IMMP2L: variants seen among roughly 807,000 people sequenced by gnomAD.
The protein encoded by IMMP2L is inner mitochondrial membrane peptidase subunit 2.
A neutral mutation model predicts 19.3 loss-of-function variants in IMMP2L; 18 were observed. That is an observed-to-expected ratio of 0.93 (90% CI 0.64 to 1.38). The LOEUF (loss-of-function observed/expected upper bound fraction) is 1.38, where lower values mean the gene tolerates loss of function less well. IMMP2L is among the 40% of genes most tolerant of loss of function. The probability of loss-of-function intolerance (pLI) is 0.00; values close to 1 mark genes in which losing one functional copy is unlikely to be tolerated. For synonymous variants in IMMP2L, 76 were observed against 73.0 expected (o/e 1.04, Z -0.21); for missense variants, 233 against 218.2 (o/e 1.07, Z -0.43).
intron 5 of IMMP2L, among the ~76,000 whole-genome samples, chr7:110,809,891 C>T (rs552181983): frequency 2.6e-5 from 4 of 152,194 alleles, no homozygotes; most frequent in African/African-American, 9.6e-5. Flanking sequence ...CTCTTTGCCA[C>T]TGCTCACCCT....
In IMMP2L at chr7:110,963,155, A is replaced by T. The variant is rs143772611; in HGVS notation, c.305+345T>A. The T allele has an allele frequency of 2.6e-5, 34 of 1,299,292 alleles. No individual in the cohort carries two copies. In the African/African-American group the frequency reaches 4.4e-4, roughly 17 times the overall value. 80.5% of individuals were successfully genotyped at this position (1,299,292 alleles called of 1,614,324 possible). On this transcript the variant is annotated intron_variant, in intron 4 of 5. Transcript: ENST00000405709. ...TTCTAAAATAGTTAAATGTTCTTGA[A>T]TTTTTTTAAATGAACCTTAACATCA... is the stretch of plus-strand genomic sequence containing the variant.
chr7:111,461,777 T>C (rs1417286958), intron 3 of IMMP2L, among the ~76,000 whole-genome samples: 1 of 152,170 alleles, frequency 6.6e-6, no homozygotes, highest in Non-Finnish European at 1.5e-5. Context: ...TTTTTCATAT[T>C]GTTTACAAGG....
chr7:111,424,313 G>C (rs1835868963), intron 3 of IMMP2L, among the ~76,000 whole-genome samples: 1 of 151,692 alleles, frequency 6.6e-6, no homozygotes, highest in African/African-American at 2.4e-5. Context: ...AGGAAGAAGA[G>C]AATGAGGGAG....
chr7:110,959,287 A>C (rs889587096), intron 4 of IMMP2L, among the ~76,000 whole-genome samples: 1 of 151,976 alleles, frequency 6.6e-6, no homozygotes, highest in Admixed American at 6.6e-5. Context: ...GAAAGATGGG[A>C]CTGAAAAATC....
At chr7:111,258,732 C>T (rs766666282) in intron 3 of IMMP2L, among the ~76,000 whole-genome samples, 1 of 152,032 alleles carries the variant, frequency 6.6e-6, no homozygotes, top group Non-Finnish European at 1.5e-5. Context: ...TCTCAAACTC[C>T]TGACCTCAAG....
At chr7:111,001,295 C>A (rs1219209206) in intron 3 of IMMP2L, among the ~76,000 whole-genome samples, 4 of 152,154 alleles carry the variant, frequency 2.6e-5, no homozygotes, top group Admixed American at 6.6e-5. Flanking sequence ...TTCTTTAAGA[C>A]AATCTTCTAT....
chr7:111,236,889 G>C (rs968806794), intron 3 of IMMP2L, among the ~76,000 whole-genome samples: 1 of 152,104 alleles, frequency 6.6e-6, no homozygotes, highest in Admixed American at 6.6e-5. Context: ...AATGTCTGAA[G>C]ACTCCCTTTC....
At chr7:111,233,288 A>G (rs538719666) in intron 3 of IMMP2L, among the ~76,000 whole-genome samples, 1 of 152,274 alleles carries the variant, frequency 6.6e-6, no homozygotes, top group South Asian at 2.1e-4. Context: ...ATGGTTAAAT[A>G]CTTTTTGTAT....
At chr7:111,236,292 T>G (rs1814304863) in intron 3 of IMMP2L, among the ~76,000 whole-genome samples, 1 of 152,230 alleles carries the variant, frequency 6.6e-6, no homozygotes, top group Admixed American at 6.5e-5. Context: ...GGAACATCCT[T>G]GAGCTTTGTT....
intron 3 of IMMP2L, among the ~76,000 whole-genome samples, chr7:111,073,491 C>T (rs1280670414): frequency 6.6e-6 from 1 of 152,086 alleles, no homozygotes; most frequent in Non-Finnish European, 1.5e-5. Context: ...AGCCTGCATG[C>T]TTGTACAGAT....
At chr7:111,078,710 G>C (rs1168643780) in intron 3 of IMMP2L, among the ~76,000 whole-genome samples, 1 of 151,654 alleles carries the variant, frequency 6.6e-6, no homozygotes, top group Non-Finnish European at 1.5e-5. Context: ...TAAAGCTGTG[G>C]TATTTTTTAT....
chr7:111,154,558 C>A (rs921932530), intron 3 of IMMP2L, among the ~76,000 whole-genome samples: 2 of 151,976 alleles, frequency 1.3e-5, no homozygotes, highest in African/African-American at 4.8e-5. Context: ...AAAATAGTGA[C>A]GGAAAACCAA....
intron 3 of IMMP2L, among the ~76,000 whole-genome samples, chr7:111,327,061 G>C (rs751341965): frequency 1.5e-4 from 22 of 151,692 alleles, no homozygotes; most frequent in Admixed American, 6.6e-4. Context: ...CTGGCATATG[G>C]ATGGGGAAAA....
chr7:110,783,777 T>C (rs1413180418), intron 5 of IMMP2L, among the ~76,000 whole-genome samples: 2 of 151,824 alleles, frequency 1.3e-5, no homozygotes, highest in Non-Finnish European at 2.9e-5. Flanking sequence ...TGTATGTAAA[T>C]GTGGAGAAGC....
chr7:111,300,596 T>C (rs115401591), intron 3 of IMMP2L, among the ~76,000 whole-genome samples: 2,391 of 152,160 alleles, frequency 0.016, 86 homozygotes, highest in African/African-American at 0.054. Flanking sequence ...TGTCCTTTCA[T>C]AGACACAACC....
At chr7:111,384,712 G>T (rs1831565039) in intron 3 of IMMP2L, among the ~76,000 whole-genome samples, 1 of 152,124 alleles carries the variant, frequency 6.6e-6, no homozygotes, top group Non-Finnish European at 1.5e-5. Flanking sequence ...AAGTGAAAAT[G>T]AGTCACGTAG....
chr7:110,728,810 C>G lies in IMMP2L; in HGVS notation c.409-65089G>C, dbSNP rs533870897. ...TCGTGAGGTGGCTACAATCATTACC[C>G]CCATTAAATGATGAAAAACTAGGAC... On this transcript the variant is annotated intron_variant, in intron 5 of 5. Transcript: ENST00000405709. The surrounding 1 kb of genome is among the most constrained non-coding windows in gnomAD (Gnocchi z 4.6). Among the ~76,000 whole-genome samples the G allele has an allele frequency of 6.6e-6, 1 of 152,280 alleles. No homozygotes were observed. Among genetic ancestry groups the G allele is most frequent in the Non-Finnish European group, 1.5e-5 (1 of 68,028 alleles).
At chr7:111,524,828 C>T (rs1056058157) in intron 1 of IMMP2L, among the ~76,000 whole-genome samples, 8 of 152,120 alleles carry the variant, frequency 5.3e-5, no homozygotes, top group African/African-American at 4.8e-5. Context: ...GTAACCTCTA[C>T]GTGGTTCCAT....
chr7:111,558,700 G>A (rs541861210), intron 1 of IMMP2L, among the ~76,000 whole-genome samples: 2 of 152,246 alleles, frequency 1.3e-5, no homozygotes, highest in Admixed American at 6.5e-5. Context: ...TATATATGTT[G>A]ATTAGAGTCT....
Sources: allele counts gnomAD v4.1 joint callset (sites outside exome capture counted in the v4.1 genomes callset), GRCh38; gene constraint gnomAD v4.1.1; non-coding constraint Gnocchi (gnomAD v3.1); transcripts MANE v1.5; gene names NCBI Gene and HGNC (gene_info 2026-07-23, HGNC 2026-07-21).